The following GTF2E2 variants were observed in gnomAD, a reference collection of about 807,000 sequenced individuals.
GTF2E2 encodes general transcription factor IIE subunit 2.
Under a neutral mutation model 40.5 loss-of-function variants are expected in GTF2E2, and 21 were observed. That is an observed-to-expected ratio of 0.52 (90% confidence interval 0.37 to 0.75). The LOEUF is 0.75. GTF2E2 is among the 30% of genes least tolerant of loss of function. The probability of loss-of-function intolerance (pLI) is 0.00; values close to 1 mark genes in which losing one functional copy is unlikely to be tolerated. For missense variants in GTF2E2, 298 were observed against 338.4 expected, an observed-to-expected ratio of 0.88 and a Z score of 0.94; for synonymous variants, 117 against 121.6, an observed-to-expected ratio of 0.96 and a Z score of 0.25.
intron 3 of GTF2E2, among the ~76,000 whole-genome samples, chr8:30,616,587 ATACACT>A (rs1800925131): frequency 6.6e-6 from 1 of 152,144 alleles, no homozygotes; most frequent in Non-Finnish European, 1.5e-5. Context: ...ATAGGTCATT[ATACACT>A]TGTCCAAACC....
intron 6 of GTF2E2, among the ~76,000 whole-genome samples, chr8:30,590,002 T>C (rs1268574433): frequency 6.6e-6 from 1 of 152,204 alleles, no homozygotes; most frequent in East Asian, 1.9e-4. Context: ...CATTTTACTG[T>C]ACAATTCCTG....
chr8:30,631,570 G>T (rs564834827), intron 3 of GTF2E2, among the ~76,000 whole-genome samples: 2 of 152,150 alleles, frequency 1.3e-5, no homozygotes, highest in Non-Finnish European at 2.9e-5. Context: ...TATCATTAAA[G>T]TTTTATTCTA....
intron 2 of GTF2E2, 99 bp downstream of exon 2, chr8:30,653,334 A>G (rs2128731034): frequency 1.2e-6 from 1 of 826,790 alleles, no homozygotes; most frequent in Non-Finnish European, 2.0e-6. Context: ...GTGCCTATCA[A>G]CATGAGTGCT....
intron 4 of GTF2E2, among the ~76,000 whole-genome samples, chr8:30,613,942 T>C (rs925900392): frequency 6.6e-6 from 1 of 152,246 alleles, no homozygotes; most frequent in African/African-American, 2.4e-5. Context: ...TTTTTCCACA[T>C]CAAGCCATAA....
At chr8:30,585,221 C>T (rs930592767) in intron 6 of GTF2E2, 1 of 152,106 alleles carries the variant, frequency 6.6e-6, no homozygotes, top group Non-Finnish European at 1.5e-5. Flanking sequence ...AATAATAATA[C>T]CTGCCTCATA....
chr8:30,606,804 G>A (rs1444924511), intron 6 of GTF2E2, among the ~76,000 whole-genome samples: 1 of 152,094 alleles, frequency 6.6e-6, no homozygotes, highest in Admixed American at 6.5e-5. Flanking sequence ...TGGTTCAGTT[G>A]AGCTATAAAC....
chr8:30,615,389 T>G (rs1356876115), intron 3 of GTF2E2, among the ~76,000 whole-genome samples: 1 of 152,134 alleles, frequency 6.6e-6, no homozygotes, highest in East Asian at 1.9e-4. Context: ...ACAATCCTAT[T>G]TCTAGAAACT....
chr8:30,596,858 T>C (rs1178587359), intron 6 of GTF2E2: 1 of 152,292 alleles, frequency 6.6e-6, no homozygotes, highest in Admixed American at 6.5e-5. Flanking sequence ...AATTTGTTGC[T>C]GCCATGGTTA....
At chr8:30,637,227 A>C in intron 2 of GTF2E2, 1 of 455,686 alleles carries the variant, frequency 2.2e-6, no homozygotes, top group Non-Finnish European at 4.4e-6. Flanking sequence ...TGTTTAAGTA[A>C]AATAATATTA....
chr8:30,650,920 A>T lies in GTF2E2; in HGVS notation c.166+2513T>A, dbSNP rs566474922. ...TCCCAGCTACTAGGGAGGCTGAGGC[A>T]GGAGAACAGCATGAACCCGGGAAGT... is the stretch of plus-strand genomic sequence containing the variant. On this transcript the variant is annotated intron_variant, in intron 2 of 7. Coordinates refer to ENST00000355904, the MANE Select transcript of GTF2E2 (RefSeq NM_002095.6). Among the ~76,000 whole-genome samples the T allele has an allele frequency of 3.5e-4, 53 of 151,044 alleles. No individual in the cohort carries two copies. The East Asian group carries it at 6.6e-3, about 19-fold the overall frequency.
intron 6 of GTF2E2, among the ~76,000 whole-genome samples, chr8:30,594,754 A>T (rs1234643329): frequency 6.6e-6 from 1 of 151,136 alleles, no homozygotes; most frequent in East Asian, 2.0e-4. Flanking sequence ...GCTACTGGGG[A>T]GGTGAGGCAG....
chr8:30,584,245 G>A (rs766579007), intron 6 of GTF2E2, among the ~76,000 whole-genome samples: 10 of 150,268 alleles, frequency 6.7e-5, no homozygotes, highest in African/African-American at 2.2e-4. Flanking sequence ...ACTTTCTGGC[G>A]GTACTAAAAG....
In GTF2E2 at chr8:30,609,659, C is replaced by T. The variant is rs567086362; in HGVS notation, c.550-2509G>A. On this transcript the variant is annotated intron_variant, in intron 5 of 7. Transcript: ENST00000355904. ...ATCCATCCAAAAATTTATATCAAAT[C>T]TCAAGGGACCTCAAAAAGCCTGAAA... 8.4e-4 allele frequency among the ~76,000 whole-genome samples: 128 copies of T among 152,250 alleles called. 2 individuals are homozygous for T. The South Asian group carries it at 0.024, about 29-fold the overall frequency.
intron 2 of GTF2E2, chr8:30,638,755 A>AG (rs1585994051): frequency 6.6e-6 from 1 of 152,462 alleles, no homozygotes; most frequent in African/African-American, 2.4e-5. Flanking sequence ...ATCAAGAAAA[A>AG]GCAATGTATT....
In GTF2E2 at chr8:30,637,230, T is replaced by C. The variant is rs575123298; in HGVS notation, c.167-2107A>G. On this transcript the variant is annotated intron_variant, in intron 2 of 7. Transcript: ENST00000355904. ...ACATTTAATGCTTGTTTAAGTAAAA[T>C]AATATTAAGCTTACCCCACGCAACT... 16 of 455,508 alleles carry C rather than the reference T, an allele frequency of 3.5e-5. No individual in the cohort carries two copies. The East Asian group carries it at 9.0e-4, about 26-fold the overall frequency. 28.2% of individuals were successfully genotyped at this position (455,508 alleles called of 1,614,324 possible).
chr8:30,649,027 A>G (rs1802190860), intron 2 of GTF2E2, among the ~76,000 whole-genome samples: 1 of 152,218 alleles, frequency 6.6e-6, no homozygotes, highest in Non-Finnish European at 1.5e-5. Flanking sequence ...ATTCTTGAGC[A>G]GGTCAAAGGC....
At chr8:30,657,824 T>C (rs1006988560) in intron 1 of GTF2E2, 149 bp downstream of exon 1, 7 of 152,240 alleles carry the variant, frequency 4.6e-5, no homozygotes, top group Non-Finnish European at 2.9e-5. Context: ...ACGGTTCGCG[T>C]GCTGGGTGTT....
chr8:30,585,221 C>A (rs930592767), intron 6 of GTF2E2: 2 of 152,106 alleles, frequency 1.3e-5, no homozygotes, highest in Non-Finnish European at 2.9e-5. Context: ...AATAATAATA[C>A]CTGCCTCATA....
chr8:30,603,068 C>T (rs1479275782), intron 6 of GTF2E2, among the ~76,000 whole-genome samples: 1 of 152,150 alleles, frequency 6.6e-6, no homozygotes, highest in African/African-American at 2.4e-5. Context: ...TGTATATTGT[C>T]CTCCACTTCA....
Sources: gnomAD v4.1 joint callset for allele counts (sites outside exome capture counted in the v4.1 genomes callset) on GRCh38, gnomAD v4.1.1 for gene constraint, MANE v1.5 for transcripts, NCBI Gene and HGNC (gene_info 2026-07-23, HGNC 2026-07-21) for gene names.